TMEM43: variants seen among roughly 807,000 people sequenced by gnomAD.
TMEM43 encodes transmembrane protein 43, also known as arrhythmogenic right ventricular dysplasia 5.
A neutral mutation model predicts 49.6 loss-of-function variants in TMEM43; 45 were observed. The ratio of observed to expected loss-of-function variants is 0.91; its 90% CI spans 0.71 to 1.16. The LOEUF (loss-of-function observed/expected upper bound fraction) is 1.16. Among genes scored for constraint, TMEM43 ranks in the 50% most tolerant of loss-of-function variants. The pLI, the probability that TMEM43 is intolerant of heterozygous loss-of-function variation, is 0.00. For missense variants in TMEM43, 532 were observed against 516.6 expected, an observed-to-expected ratio of 1.03 and a Z score of -0.29; for synonymous variants, 199 against 207.8, an observed-to-expected ratio of 0.96 and a Z score of 0.36.
Position 14,143,587 on chromosome 3 carries a change from T to G in TMEM43, c.*1792T>G, listed in dbSNP as rs1344685559. On this transcript the variant is annotated 3_prime_UTR_variant, in exon 12 of 12. Coordinates refer to ENST00000306077, the MANE Select transcript of TMEM43 (RefSeq NM_024334.3). ...TCAAAAGTGTTCTTAAAACGAAAGA[T>G]AATGTTAAGAAAAATTTGAAAGCTT... 6.6e-6 allele frequency: 1 copy of G among 152,252 alleles called. No homozygotes were observed. The highest frequency in any genetic ancestry group is 2.4e-5 in the African/African-American group (1 of 41,474). 9.4% of individuals were successfully genotyped at this position (152,252 alleles called of 1,614,324 possible).
Position 14,143,596 on chromosome 3 carries a change from G to T in TMEM43, c.*1801G>T, listed in dbSNP as rs558915075. 1.3e-5 allele frequency: 2 copies of T among 152,258 alleles called. No homozygotes were observed. Among genetic ancestry groups the T allele is most frequent in the African/African-American group, 2.4e-5 (1 of 41,560 alleles). The allele number at this position is 152,258 out of a possible 1,614,324, so 9.4% of individuals were successfully genotyped here. On this transcript the variant is annotated 3_prime_UTR_variant, in exon 12 of 12. Coordinates refer to ENST00000306077, the MANE Select transcript of TMEM43 (RefSeq NM_024334.3). ...TTCTTAAAACGAAAGATAATGTTAA[G>T]AAAAATTTGAAAGCTTTGGAAAACC...
rs547994189 is a variant in TMEM43, at chr3:14,129,245, T to C, written c.13-167T>C. On this transcript the variant is annotated intron_variant, in intron 1 of 11. Coordinates refer to ENST00000306077, the MANE Select transcript of TMEM43 (RefSeq NM_024334.3). The stretch of plus-strand genomic sequence containing the variant: ...ATGTTGGTCAGATGGAATATACGTT[T>C]GTGGAAACCTGCCAAACTGTACATT... Among the ~76,000 whole-genome samples the C allele has an allele frequency of 2.0e-5, 3 of 149,606 alleles. No homozygotes were observed. In the South Asian group the frequency reaches 6.3e-4, roughly 31 times the overall value.
At chr3:14,127,721 C>G (rs1289675725) in intron 1 of TMEM43, among the ~76,000 whole-genome samples, 1 of 152,214 alleles carries the variant, frequency 6.6e-6, no homozygotes, top group Non-Finnish European at 1.5e-5. Context: ...TGGTGATTCA[C>G]TCACCTAATG....
intron 6 of TMEM43, among the ~76,000 whole-genome samples, chr3:14,133,460 A>T (rs903212243): frequency 6.6e-6 from 1 of 152,108 alleles, no homozygotes; most frequent in African/African-American, 2.4e-5. Flanking sequence ...TCCATGCAAG[A>T]TACATCTGAC....
rs780800552 is a variant in TMEM43, at chr3:14,132,955, C to G, written c.512+20C>G. 1.2e-6 allele frequency: 2 copies of G among 1,603,288 alleles called. No individual in the cohort carries two copies. The highest frequency in any genetic ancestry group is 1.7e-5 in the Admixed American group (1 of 59,998). ...CCCCAGGTGAGAGCCAGGCCCAAGG[C>G]CTGAGTGCAGCTTTGTCTACACTGG... On this transcript the variant is annotated intron_variant, in intron 6 of 11. Coordinates refer to ENST00000306077, the MANE Select transcript of TMEM43 (RefSeq NM_024334.3).
chr3:14,141,741 C>T lies in TMEM43; in HGVS notation c.1149C>T (p.Ala383=), dbSNP rs1179155564. ...PLWALLIAGL[A]LVPILVARTR... Reference sequence around the variant, plus strand: ...GGGCCCTCCTCATTGCCGGCCTGGCCCTTGTGCCCATCCTTGTTGCTCGGA... The same window carrying T: ...GGGCCCTCCTCATTGCCGGCCTGGCTCTTGTGCCCATCCTTGTTGCTCGGA... Residue 383 remains alanine, a synonymous_variant, in exon 12 of 12, where the codon GCC becomes GCT. Coordinates refer to ENST00000306077, the MANE Select transcript of TMEM43 (RefSeq NM_024334.3). 1.9e-6 allele frequency: 3 copies of T among 1,614,038 alleles called. No homozygotes were observed. The highest frequency in any genetic ancestry group is 1.7e-6 in the Non-Finnish European group (2 of 1,180,048).
intron 10 of TMEM43, among the ~76,000 whole-genome samples, chr3:14,136,605 G>T (rs949633048): frequency 2.0e-5 from 3 of 152,148 alleles, no homozygotes; most frequent in African/African-American, 7.2e-5. Flanking sequence ...TGATCAGTCA[G>T]TTCCAGCAAG....
chr3:14,125,239 G>C lies in TMEM43; in HGVS notation c.12+34G>C, dbSNP rs202159933. On this transcript the variant is annotated intron_variant, in intron 1 of 11. Coordinates refer to ENST00000306077, the MANE Select transcript of TMEM43 (RefSeq NM_024334.3). ...CCCCGGGCCAGCCGGGCCACACCCA[G>C]GCTTCCCCGTCGCCCTGGGGCTTTT... 6,962 of 1,596,580 alleles carry C rather than the reference G, an allele frequency of 4.4e-3. 29 individuals are homozygous for C. Among genetic ancestry groups the C allele is most frequent in the Non-Finnish European group, 4.5e-3 (5,309 of 1,172,572 alleles).
chr3:14,140,516 A>C (rs1209355640), intron 11 of TMEM43, among the ~76,000 whole-genome samples: 4 of 151,778 alleles, frequency 2.6e-5, no homozygotes, highest in African/African-American at 9.7e-5. Flanking sequence ...CGTGTGTAAG[A>C]CTCCACAGCT....
At chr3:14,135,354 G>A (rs1057025636) in intron 9 of TMEM43, 122 bp downstream of exon 9, 51 of 818,854 alleles carry the variant, frequency 6.2e-5, no homozygotes, top group Non-Finnish European at 9.2e-5. Flanking sequence ...GCACACTCTC[G>A]CACACACTCT....
rs397517384 is a variant in TMEM43, at chr3:14,132,566, A to G, written c.413A>G (p.Gln138Arg). 48 of 1,614,030 alleles carry G rather than the reference A, an allele frequency of 3.0e-5. No homozygotes were observed. Among genetic ancestry groups the G allele is most frequent in the Non-Finnish European group, 3.5e-5 (41 of 1,180,014 alleles). ...EESREYTEDG[Q>R]VKKETRYSYN... ...TGCAGGGAGTACACCGAGGATGGGCAGGTGAAGAAGGAGACGAGGTATTCC... is the reference window on the plus strand; with the variant it reads ...TGCAGGGAGTACACCGAGGATGGGCGGGTGAAGAAGGAGACGAGGTATTCC... Residue 138 changes from glutamine to arginine, a missense_variant, in exon 5 of 12, where the codon CAG (glutamine) becomes CGG (arginine). Gln to Arg is a conservative substitution (Grantham distance 43). Coordinates refer to ENST00000306077, the MANE Select transcript of TMEM43 (RefSeq NM_024334.3).
At chr3:14,132,363 G>T (rs1695107607) in intron 4 of TMEM43, among the ~76,000 whole-genome samples, 183 bp from the exon 5 acceptor site, 1 of 152,184 alleles carries the variant, frequency 6.6e-6, no homozygotes, top group African/African-American at 2.4e-5. Flanking sequence ...CGCCTTGGAG[G>T]GCAGGAGCTG....
At chr3:14,129,390 G>C (rs1243176029) in intron 1 of TMEM43, 22 bp from the exon 2 acceptor site, 1 of 1,563,212 alleles carries the variant, frequency 6.4e-7, no homozygotes, top group South Asian at 1.2e-5. Context: ...TTTTCATTCT[G>C]TTACTGTTTC....
Position 14,130,815 on chromosome 3 carries a change from C to T in TMEM43, c.163-7C>T, listed in dbSNP as rs778890727. On this transcript the variant is annotated splice_region_variant and splice_polypyrimidine_tract_variant and intron_variant, in intron 2 of 11. Coordinates refer to ENST00000306077, the MANE Select transcript of TMEM43 (RefSeq NM_024334.3). ...CTGTTGAAATCCCCACTCCCCTTTG[C>T]TCCCAGGGCCGCGCATTGAAGACGG... 6.2e-7 allele frequency: 1 copy of T among 1,613,634 alleles called. No individual in the cohort carries two copies. The highest frequency in any genetic ancestry group is 8.5e-7 in the Non-Finnish European group (1 of 1,179,802).
intron 5 of TMEM43, 94 bp from the exon 6 acceptor site, chr3:14,132,772 C>T (rs1009682494): frequency 3.5e-6 from 5 of 1,425,310 alleles, no homozygotes; most frequent in Middle Eastern, 1.8e-4. Flanking sequence ...CCTGACCCAC[C>T]CCTTTGGCTG....
chr3:14,134,898 G>C lies in TMEM43; in HGVS notation c.705+7G>C, dbSNP rs201916031. The C allele has an allele frequency of 1.2e-6, 2 of 1,614,118 alleles. No individual in the cohort carries two copies. The highest frequency in any genetic ancestry group is 1.7e-6 in the Non-Finnish European group (2 of 1,180,008). On this transcript the variant is annotated splice_region_variant and intron_variant, in intron 8 of 11. Coordinates refer to ENST00000306077, the MANE Select transcript of TMEM43 (RefSeq NM_024334.3). ...AAATCCCAAGTATCCAGAGGTGTGC[G>C]GAGAGGCCTGGGCTCTCCAAATAGG...
chr3:14,128,264 C>G (rs1695044933), intron 1 of TMEM43, among the ~76,000 whole-genome samples: 1 of 152,156 alleles, frequency 6.6e-6, no homozygotes, highest in South Asian at 2.1e-4. Context: ...TGTTATTGAC[C>G]AAAGCCTGAT....
At chr3:14,136,346 C>G (rs985970309) in intron 10 of TMEM43, among the ~76,000 whole-genome samples, 5 of 152,194 alleles carry the variant, frequency 3.3e-5, no homozygotes, top group Admixed American at 1.3e-4. Context: ...CTGAGTCTGT[C>G]ATGAACCCTC....
Position 14,139,214 on chromosome 3 carries a change from T to C in TMEM43, c.917T>C (p.Met306Thr), listed in dbSNP as rs1695216941. The change falls in exon 11 of 12, where the codon ATG (methionine) becomes ACG (threonine). Residue 306 changes from methionine to threonine, a missense_variant. Physicochemically the swap from Met to Thr is moderately conservative, Grantham distance 81. Transcript: ENST00000306077. ...CATAGAGAACTAAGGAGCAACTCCATGAAGACCTGGGGCCTGCGGGCAGCT... is the reference window on the plus strand; with the variant it reads ...CATAGAGAACTAAGGAGCAACTCCACGAAGACCTGGGGCCTGCGGGCAGCT... ...VFHRELRSNS[M>T]KTWGLRAAGW... The C allele has an allele frequency of 6.2e-7, 1 of 1,614,172 alleles. No homozygotes were observed. Among genetic ancestry groups the C allele is most frequent in the Admixed American group, 1.7e-5 (1 of 60,024 alleles).
Sources: gnomAD v4.1 joint callset for allele counts (sites outside exome capture counted in the v4.1 genomes callset) on GRCh38, gnomAD v4.1.1 for gene constraint, MANE v1.5 for transcripts, NCBI Gene and HGNC (gene_info 2026-07-23, HGNC 2026-07-21) for gene names.